Variants in SATB2 observed in about 807,000 individuals in gnomAD.
The protein encoded by SATB2 is SATB homeobox 2, also known as DNA-binding protein SATB2.
SATB2 carries 1 observed loss-of-function variant against 73.4 expected under a neutral mutation model. The observed-to-expected ratio is 0.01, with a 90% CI of 0.00 to 0.06. The LOEUF (loss-of-function observed/expected upper bound fraction) is 0.06. Among genes scored for constraint, SATB2 ranks in the 10% least tolerant of loss-of-function variants. The pLI is 1.00. For missense variants in SATB2, 459 were observed against 945.8 expected (o/e 0.49, Z 6.75); for synonymous variants, 397 against 367.0 (o/e 1.08, Z -0.93).
intron 7 of SATB2, chr2:199,329,266 C>G: frequency 3.5e-6 from 1 of 289,666 alleles, no homozygotes; most frequent in Non-Finnish European, 6.7e-6. Flanking sequence ...CTGCTTGAAA[C>G]TGGGAACACT....
At chr2:199,315,472 T>C (rs6435011) in intron 9 of SATB2, among the ~76,000 whole-genome samples, 140,586 of 151,838 alleles carry the variant, frequency 0.93, 66,115 homozygotes, top group East Asian at 1. Context: ...TCTTACATGT[T>C]AAGTGATAAG....
chr2:199,290,613 G>C (rs1250957165), intron 10 of SATB2, among the ~76,000 whole-genome samples: 1 of 152,130 alleles, frequency 6.6e-6, no homozygotes, highest in Non-Finnish European at 1.5e-5. Flanking sequence ...CATACACTTT[G>C]TATACAGGTT....
chr2:199,296,582 C>T lies in SATB2; in HGVS notation c.1740+12178G>A, dbSNP rs188733577. 6.2e-4 allele frequency among the ~76,000 whole-genome samples: 94 copies of T among 152,202 alleles called. 1 individual carries two copies. The highest frequency in any genetic ancestry group is 1.6e-4 in the Non-Finnish European group (11 of 68,018). On this transcript the variant is annotated intron_variant, in intron 10 of 10. Coordinates refer to ENST00000417098, the MANE Select transcript of SATB2 (RefSeq NM_001172509.2). ...TAGTGTGCTCCTGTAGTCCCAGCTA[C>T]CTTGGAGGCTGAGGTAGAAGAAGAG...
At chr2:199,462,205 G>C (rs946218272), upstream of SATB2, among the ~76,000 whole-genome samples, 4 of 152,204 alleles carry the variant, frequency 2.6e-5, no homozygotes, top group Non-Finnish European at 5.9e-5. The surrounding 1 kb of genome is among the most constrained non-coding windows in gnomAD (Gnocchi z 5.9). Flanking sequence ...AGCTTTCGAC[G>C]GCTTCTAGGA....
chr2:199,357,573 T>A (rs993623078), intron 6 of SATB2, among the ~76,000 whole-genome samples: 2 of 152,304 alleles, frequency 1.3e-5, no homozygotes, highest in East Asian at 3.9e-4. Flanking sequence ...AACATCTGCC[T>A]ATGATTTAAA....
Position 199,463,242 on chromosome 2 carries a change from T to A in SATB2, c.-141+1594A>T, listed in dbSNP as rs1486939896. On this transcript the variant is annotated intron_variant, in intron 1 of 11. Coordinates refer to the SATB2 transcript ENST00000260926. The surrounding 1 kb of genome is among the most constrained non-coding windows in gnomAD (Gnocchi z 6.4). ...CTTCTGCAACCACGCTGCGAGAGAA[T>A]GACTGCCCTGCTAATCTAGTTTACT... Among the ~76,000 whole-genome samples, 1 of 152,114 alleles carries A rather than the reference T, an allele frequency of 6.6e-6. No individual in the cohort carries two copies. The highest frequency in any genetic ancestry group is 1.5e-5 in the Non-Finnish European group (1 of 67,992).
At chr2:199,465,089 A>G (rs1311608487) in exon 1 of SATB2, 1 of 152,136 alleles carries the variant, frequency 6.6e-6, no homozygotes, top group East Asian at 1.9e-4. Flanking sequence ...CGACTTTCTC[A>G]GTCTCTCTCT....
chr2:199,460,642 G>A (rs1692454952), upstream of SATB2: 1 of 152,294 alleles, frequency 6.6e-6, no homozygotes, highest in Non-Finnish European at 1.5e-5. The surrounding 1 kb of genome is among the most constrained non-coding windows in gnomAD (Gnocchi z 4.0). Flanking sequence ...AGTCATTAAT[G>A]AGCTATTTTA....
intron 2 of SATB2, among the ~76,000 whole-genome samples, chr2:199,433,751 A>G (rs868445052): frequency 2.6e-5 from 4 of 152,012 alleles, no homozygotes; most frequent in African/African-American, 9.7e-5. Context: ...ATTTTCACCA[A>G]TTAGAGGTGT....
intron 3 of SATB2, among the ~76,000 whole-genome samples, chr2:199,426,541 C>G (rs1691333366): frequency 6.6e-6 from 1 of 151,972 alleles, no homozygotes; most frequent in South Asian, 2.1e-4. Context: ...AGGTGCTCCA[C>G]CCGCCTTGGC....
At chr2:199,283,276 G>GGGACGGGGT (rs1474759433) in intron 10 of SATB2, among the ~76,000 whole-genome samples, 3 of 132,032 alleles carry the variant, frequency 2.3e-5, no homozygotes, top group African/African-American at 8.4e-5. Flanking sequence ...ATTTTTTGTA[G>GGGACGGGGT]GGACGGGGTT....
At chr2:199,410,382 G>T (rs990675192) in intron 3 of SATB2, among the ~76,000 whole-genome samples, 4 of 152,194 alleles carry the variant, frequency 2.6e-5, no homozygotes, top group African/African-American at 9.7e-5. Context: ...TCCTCGGGGA[G>T]AGTCTTCTTG....
At chr2:199,410,497 A>T (rs1690779939) in intron 3 of SATB2, among the ~76,000 whole-genome samples, 1 of 152,182 alleles carries the variant, frequency 6.6e-6, no homozygotes, top group Non-Finnish European at 1.5e-5. Context: ...GTTGATCAGA[A>T]CTCCATATTT....
intron 10 of SATB2, among the ~76,000 whole-genome samples, chr2:199,300,688 CT>C (rs1687262974): frequency 6.6e-6 from 1 of 152,006 alleles, no homozygotes; most frequent in Admixed American, 6.6e-5. Context: ...ATTTTAGGAT[CT>C]AAAAACCAAG....
intron 6 of SATB2, among the ~76,000 whole-genome samples, chr2:199,368,010 TGCCAGTATTGTCTTATTTAGTCCTCGC>T (rs1689338633): frequency 2.0e-5 from 3 of 152,136 alleles, no homozygotes; most frequent in Admixed American, 6.6e-5. Context: ...GGTTACTTTG[TGCCAGTATTGTCTTATTTAGTCCTCGC>T]ATCTACCCAG....
At chr2:199,326,399 T>A (rs906965008) in intron 8 of SATB2, among the ~76,000 whole-genome samples, 2 of 152,162 alleles carry the variant, frequency 1.3e-5, no homozygotes, top group African/African-American at 4.8e-5. Flanking sequence ...GGCATCTGTA[T>A]GAATTTTCTA....
intron 7 of SATB2, chr2:199,347,423 G>C (rs1178030793): frequency 6.6e-6 from 1 of 152,044 alleles, no homozygotes; most frequent in Non-Finnish European, 1.5e-5. Context: ...TCTTTCCTAT[G>C]AATGTCTTTA....
intron 3 of SATB2, 26 bp from the exon 4 acceptor site, chr2:199,381,846 A>G (rs988515837): frequency 5.0e-6 from 8 of 1,613,050 alleles, no homozygotes; most frequent in Non-Finnish European, 6.8e-6. Flanking sequence ...AAACATAATA[A>G]ACACATATCT....
chr2:199,316,936 G>T (rs1185522375), intron 9 of SATB2, among the ~76,000 whole-genome samples: 2 of 151,852 alleles, frequency 1.3e-5, no homozygotes, highest in Non-Finnish European at 2.9e-5. Context: ...ATATCAAACT[G>T]AAAACAATCA....
Sources: allele counts gnomAD v4.1 joint callset (sites outside exome capture counted in the v4.1 genomes callset), GRCh38; gene constraint gnomAD v4.1.1; non-coding constraint Gnocchi (gnomAD v3.1); transcripts MANE v1.5; gene names NCBI Gene and HGNC (gene_info 2026-07-23, HGNC 2026-07-21).